MYO3A: variants seen among roughly 807,000 people sequenced by gnomAD.
MYO3A encodes myosin IIIA, also known as myosin-IIIa.
MYO3A carries 180 observed loss-of-function variants against 192.7 expected under a neutral mutation model. The ratio of observed to expected loss-of-function variants is 0.93; its 90% CI spans 0.83 to 1.06. The LOEUF (loss-of-function observed/expected upper bound fraction) is 1.06. MYO3A is among the 50% of genes least tolerant of loss of function. MYO3A has a pLI of 0.00. For synonymous variants in MYO3A, 628 were observed against 645.3 expected (o/e 0.97, Z 0.41); for missense variants, 1,896 against 1,905.0 (o/e 1.00, Z 0.09).
chr10:26,041,932 A>G (rs1332421393), intron 10 of MYO3A, among the ~76,000 whole-genome samples: 2 of 152,060 alleles, frequency 1.3e-5, no homozygotes, highest in African/African-American at 4.8e-5. Context: ...CCTTAAAATG[A>G]TTTCTTATTG....
chr10:26,173,779 A>T lies in MYO3A; in HGVS notation c.3515A>T (p.Glu1172Val), dbSNP rs1009878032. 3 of 1,614,072 alleles carry T rather than the reference A, an allele frequency of 1.9e-6. No individual in the cohort carries two copies. In the African/African-American group the frequency reaches 4.0e-5, roughly 22 times the overall value. The change falls in exon 30 of 35, where the codon GAA becomes GTA. Residue 1172 changes from glutamate (E) to valine (V), a missense_variant. Coordinates refer to ENST00000642920, the MANE Select transcript of MYO3A (RefSeq NM_017433.5). ...SVVKTSTFKPEEETTNAVESN... is the reference protein window; with the variant it reads ...SVVKTSTFKPVEETTNAVESN... ...GTGAAGACTTCCACTTTCAAACCTG[A>T]AGAGGAAACCACCAATGCTGTGGAG... is the stretch of plus-strand genomic sequence containing the variant.
At chr10:25,989,681 A>T (rs1839890255) in intron 4 of MYO3A, among the ~76,000 whole-genome samples, 1 of 151,800 alleles carries the variant, frequency 6.6e-6, no homozygotes, top group African/African-American at 2.4e-5. Context: ...TATTATTATT[A>T]ATCCAAAATG....
At chr10:26,014,855 T>C (rs1841896135) in intron 6 of MYO3A, among the ~76,000 whole-genome samples, 1 of 152,164 alleles carries the variant, frequency 6.6e-6, no homozygotes, top group African/African-American at 2.4e-5. Context: ...TGTCAAGGGT[T>C]ATAGCAAATT....
intron 31 of MYO3A, among the ~76,000 whole-genome samples, chr10:26,178,294 G>A (rs1157858020): frequency 1.3e-5 from 2 of 152,178 alleles, no homozygotes; most frequent in Non-Finnish European, 2.9e-5. Flanking sequence ...CGTCCTGGGA[G>A]GAAGTAGAGG....
chr10:26,150,717 T>C (rs765049557), intron 23 of MYO3A, among the ~76,000 whole-genome samples: 4 of 152,200 alleles, frequency 2.6e-5, no homozygotes, highest in Non-Finnish European at 4.4e-5. Flanking sequence ...TTATTCTTGA[T>C]AGATTTCCTA....
At chr10:26,020,254 C>G (rs550121895) in intron 7 of MYO3A, among the ~76,000 whole-genome samples, 1 of 152,252 alleles carries the variant, frequency 6.6e-6, no homozygotes, top group African/African-American at 2.4e-5. Context: ...TGTCTGTTGC[C>G]CGATATGTTG....
At chr10:25,994,628 G>A (rs1449409609) in intron 4 of MYO3A, among the ~76,000 whole-genome samples, 1 of 152,186 alleles carries the variant, frequency 6.6e-6, no homozygotes, top group Non-Finnish European at 1.5e-5. Context: ...AACTTGGCAT[G>A]TTTTTGCAGT....
chr10:26,151,949 A>G (rs1840813411), intron 23 of MYO3A, among the ~76,000 whole-genome samples: 1 of 152,214 alleles, frequency 6.6e-6, no homozygotes, highest in Non-Finnish European at 1.5e-5. Flanking sequence ...AGGTTAATCT[A>G]GTCGGTGTTA....
chr10:25,982,762 G>A (rs1308375440), intron 4 of MYO3A, among the ~76,000 whole-genome samples: 2 of 152,082 alleles, frequency 1.3e-5, no homozygotes, highest in Non-Finnish European at 2.9e-5. Context: ...CATATCAAGG[G>A]AGCACCCTGT....
chr10:25,971,455 G>A (rs894225865), intron 4 of MYO3A, among the ~76,000 whole-genome samples: 2 of 152,012 alleles, frequency 1.3e-5, no homozygotes, highest in Non-Finnish European at 1.5e-5. Context: ...TTGTTTTCTT[G>A]TGTAGATCCA....
At chr10:25,984,424 C>T (rs551361258) in intron 4 of MYO3A, among the ~76,000 whole-genome samples, 13 of 152,236 alleles carry the variant, frequency 8.5e-5, no homozygotes, top group African/African-American at 2.6e-4. Flanking sequence ...AGGTTTTTCG[C>T]AGGCTACATA....
At chr10:26,097,258 A>G (rs907067171) in intron 17 of MYO3A, among the ~76,000 whole-genome samples, 3 of 152,240 alleles carry the variant, frequency 2.0e-5, no homozygotes, top group African/African-American at 7.2e-5. Context: ...GACACTTTAC[A>G]TACAAGGGAT....
At position 26,168,612 on chromosome 10, in the gene MYO3A, T is replaced by C. The variant is rs1361423901; in HGVS notation, c.3112-100T>C. 2.4e-6 allele frequency: 3 copies of C among 1,272,026 alleles called. No homozygotes were observed. In the African/African-American group the frequency reaches 4.5e-5, roughly 19 times the overall value. 78.8% of individuals were successfully genotyped at this position (1,272,026 alleles called of 1,614,324 possible). A position where few individuals can be genotyped will look rare whatever the true frequency, so the allele number is the denominator to read the frequency against. ...AAGCAAAAGACAGTGATTTCCAAAATCTCAAGCAATTTAGAATGTGTTCTG... is the reference window on the plus strand; with the variant it reads ...AAGCAAAAGACAGTGATTTCCAAAACCTCAAGCAATTTAGAATGTGTTCTG... On this transcript the variant is annotated intron_variant, in intron 27 of 34. Coordinates refer to ENST00000642920, the MANE Select transcript of MYO3A (RefSeq NM_017433.5).
At chr10:25,936,052 CATTT>C (rs1176446911) in intron 2 of MYO3A, among the ~76,000 whole-genome samples, 1 of 152,072 alleles carries the variant, frequency 6.6e-6, no homozygotes, top group Non-Finnish European at 1.5e-5. Context: ...AAATTACATT[CATTT>C]GTCTTAGTCC....
intron 34 of MYO3A, among the ~76,000 whole-genome samples, chr10:26,210,982 G>GCACA (rs3058661): frequency 0.01 from 1,498 of 149,398 alleles, 25 homozygotes; most frequent in South Asian, 0.05. Context: ...GTACACACAT[G>GCACA]CACACACACA....
intron 31 of MYO3A, among the ~76,000 whole-genome samples, chr10:26,188,659 T>G (rs950437971): frequency 6.6e-6 from 1 of 152,256 alleles, no homozygotes; most frequent in Non-Finnish European, 1.5e-5. Flanking sequence ...GAATTAATTT[T>G]AGTATAAGGT....
chr10:26,143,664 T>C (rs1840296908), intron 21 of MYO3A, 63 bp downstream of exon 21: 5 of 1,577,662 alleles, frequency 3.2e-6, no homozygotes, highest in Non-Finnish European at 4.4e-6. Flanking sequence ...TTCTGAATGA[T>C]TTTTTAAATG....
At chr10:26,157,143 TA>T (rs1190294842) in intron 25 of MYO3A, among the ~76,000 whole-genome samples, 166 bp from the exon 26 acceptor site, 4 of 152,248 alleles carry the variant, frequency 2.6e-5, no homozygotes, top group African/African-American at 9.6e-5. Flanking sequence ...AACTATACTA[TA>T]AATAAAATGT....
chr10:25,947,389 C>CTTTTTTTTTTTTTT (rs869281200), intron 2 of MYO3A, among the ~76,000 whole-genome samples: 4 of 91,862 alleles, frequency 4.4e-5, no homozygotes, highest in South Asian at 4.0e-4. Flanking sequence ...TTTTCTTTTT[C>CTTTTTTTTTTTTTT]TTTTTTTTTT....
Sources: allele counts gnomAD v4.1 joint callset (sites outside exome capture counted in the v4.1 genomes callset), GRCh38; gene constraint gnomAD v4.1.1; transcripts MANE v1.5; gene names NCBI Gene and HGNC (gene_info 2026-07-23, HGNC 2026-07-21).